The following COL4A4 variants were observed in gnomAD, a reference collection of about 807,000 sequenced individuals.
COL4A4 encodes collagen type IV alpha 4 chain.
Under a neutral mutation model 192.9 loss-of-function variants are expected in COL4A4, and 105 were observed. That is an observed-to-expected ratio of 0.54 (90% CI 0.46 to 0.64). COL4A4 has a LOEUF of 0.64. Among genes scored for constraint, COL4A4 ranks in the 30% least tolerant of loss-of-function variants. The pLI is 0.00. For missense variants in COL4A4, 1,967 were observed against 2,169.3 expected, an observed-to-expected ratio of 0.91 and a Z score of 1.85; for synonymous variants, 762 against 769.9, an observed-to-expected ratio of 0.99 and a Z score of 0.17.
Position 227,138,083 on chromosome 2 carries a change from G to A in COL4A4, c.192+2078C>T, listed in dbSNP as rs185740075. Among the ~76,000 whole-genome samples the A allele has an allele frequency of 4.3e-3, 656 of 151,638 alleles. 7 individuals are homozygous for A. Among genetic ancestry groups the A allele is most frequent in the African/African-American group, 0.016 (643 of 41,266 alleles). Reference sequence around the variant, plus strand: ...AGCCAAGGAGGGAGGATCACTTGAAGCCAGGAGTTTGAGAACAGCCTGAGA... The same window carrying A: ...AGCCAAGGAGGGAGGATCACTTGAAACCAGGAGTTTGAGAACAGCCTGAGA... On this transcript the variant is annotated intron_variant, in intron 4 of 47. Coordinates refer to ENST00000396625, the MANE Select transcript of COL4A4 (RefSeq NM_000092.5).
chr2:226,969,989 T>TGGG, the COL4A4 span, among the ~76,000 whole-genome samples: 1 of 112,002 alleles, frequency 8.9e-6, no homozygotes. Context: ...TTTACAACTG[T>TGGG]CCCCCCCCCC....
chr2:227,089,125 A>G (rs1044057338), intron 21 of COL4A4, among the ~76,000 whole-genome samples: 5 of 152,150 alleles, frequency 3.3e-5, no homozygotes, highest in African/African-American at 1.2e-4. Context: ...CGTTAAAAAT[A>G]ATTCAACTTT....
chr2:227,107,903 A>G (rs565838295), intron 12 of COL4A4, among the ~76,000 whole-genome samples: 13 of 151,910 alleles, frequency 8.6e-5, no homozygotes, highest in East Asian at 3.9e-4. Context: ...GACTACAGGC[A>G]CGCACCACCA....
At chr2:227,092,086 GA>G (rs1272392217) in intron 20 of COL4A4, among the ~76,000 whole-genome samples, 1 of 152,006 alleles carries the variant, frequency 6.6e-6, no homozygotes, top group Non-Finnish European at 1.5e-5. Flanking sequence ...GAGCTCCTAT[GA>G]GCTTCCAGAA....
At chr2:227,119,390 C>A (rs573863017) in intron 6 of COL4A4, among the ~76,000 whole-genome samples, 10 of 149,952 alleles carry the variant, frequency 6.7e-5, no homozygotes, top group African/African-American at 2.0e-4. Flanking sequence ...ATATCTTGCA[C>A]CATATTTTAT....
chr2:227,148,130 G>A (rs1361595431), intron 1 of COL4A4, among the ~76,000 whole-genome samples: 3 of 152,118 alleles, frequency 2.0e-5, no homozygotes, highest in Admixed American at 6.6e-5. Flanking sequence ...GTTACTATAT[G>A]ATCTAGCAAT....
At chr2:227,091,097 C>CA (rs1054471578) in intron 20 of COL4A4, among the ~76,000 whole-genome samples, 2 of 151,584 alleles carry the variant, frequency 1.3e-5, no homozygotes, top group African/African-American at 4.8e-5. Flanking sequence ...CTATCCCCGC[C>CA]AAAAAAACCT....
chr2:227,128,672 G>A (rs2125126207), intron 4 of COL4A4, among the ~76,000 whole-genome samples: 1 of 152,118 alleles, frequency 6.6e-6, no homozygotes, highest in East Asian at 1.9e-4. Flanking sequence ...ATCTCGATTT[G>A]AACCAAAACC....
chr2:227,012,415 G>A (rs1014286870), intron 44 of COL4A4, 118 bp from the exon 45 acceptor site: 11 of 765,158 alleles, frequency 1.4e-5, no homozygotes, highest in East Asian at 2.6e-5. Context: ...CACTTTGACT[G>A]AATGCATCAG....
intron 3 of COL4A4, among the ~76,000 whole-genome samples, chr2:227,142,653 A>C (rs1345428180): frequency 6.6e-6 from 1 of 151,662 alleles, no homozygotes; most frequent in Non-Finnish European, 1.5e-5. Context: ...GCTACTCAGG[A>C]GGCTGAGGTG....
the COL4A4 span, among the ~76,000 whole-genome samples, chr2:226,989,692 C>G: frequency 6.6e-6 from 1 of 152,078 alleles, no homozygotes; most frequent in Non-Finnish European, 1.5e-5. Flanking sequence ...CATAGTGGAC[C>G]TGATGTTATA....
chr2:226,974,760 GGCTGAGAGTCGTGAACTGTACAGT>G, the COL4A4 span, among the ~76,000 whole-genome samples: 17 of 152,304 alleles, frequency 1.1e-4, no homozygotes, highest in East Asian at 2.3e-3. Context: ...ACTCCCTGCA[GGCTGAGAGTCGTGAACTGTACAGT>G]GCTGAGAGTC....
At chr2:227,026,190 G>A (rs1966851873) in intron 42 of COL4A4, among the ~76,000 whole-genome samples, 1 of 152,080 alleles carries the variant, frequency 6.6e-6, no homozygotes, top group African/African-American at 2.4e-5. Flanking sequence ...TGCATAGAAA[G>A]GAAATATGAA....
intron 27 of COL4A4, 65 bp from the exon 28 acceptor site, chr2:227,059,688 GACTT>G (rs992243345): frequency 1.3e-5 from 15 of 1,152,748 alleles, no homozygotes; most frequent in Middle Eastern, 1.9e-4. Flanking sequence ...ATACATATAA[GACTT>G]ACTTTGATAA....
Position 227,062,585 on chromosome 2 carries a change from A to G in COL4A4, c.2001T>C (p.Ser667=). ...GLKGQKGDTI[S]CNVTYPGRHG... is the part of the protein sequence containing the mutation. ...GCCTCCCAGGGTAGGTTACGTTGCA[A>G]GAAATTGTGTCACCTGCAATGAGAA... The change falls in exon 26 of 48, where the codon TCT becomes TCC. Residue 667 remains serine, a synonymous_variant. Coordinates refer to ENST00000396625, the MANE Select transcript of COL4A4 (RefSeq NM_000092.5). 1.9e-6 allele frequency: 3 copies of G among 1,612,808 alleles called. No individual in the cohort carries two copies. Among genetic ancestry groups the G allele is most frequent in the African/African-American group, 1.3e-5 (1 of 74,998 alleles).
chr2:227,041,846 A>AAGAAAGAG lies in COL4A4; in HGVS notation c.3505+301_3505+302insCTCTTTCT, dbSNP rs1559478097. 1.1e-3 allele frequency among the ~76,000 whole-genome samples: 44 copies of AAGAAAGAG among 39,324 alleles called. 1 individual carries two copies. Among genetic ancestry groups the AAGAAAGAG allele is most frequent in the South Asian group, 8.4e-3 (8 of 954 alleles). 25.8% of individuals were successfully genotyped at this position (39,324 alleles called of 152,430 possible). On this transcript the variant is annotated intron_variant, in intron 37 of 47. Coordinates refer to ENST00000396625, the MANE Select transcript of COL4A4 (RefSeq NM_000092.5). Reference sequence around the variant, plus strand: ...AAAGAAAGAAAGAAAGAAAGAAAGAAAGAGAAAGAAAGAAAGAAAGAAAGA... The same window carrying AAGAAAGAG: ...AAAGAAAGAAAGAAAGAAAGAAAGAAAGAAAGAGAGAGAAAGAAAGAAAGAAAGAAAGA...
intron 25 of COL4A4, among the ~76,000 whole-genome samples, chr2:227,067,725 G>A (rs2058437218): frequency 1.3e-5 from 2 of 152,178 alleles, no homozygotes; most frequent in South Asian, 2.1e-4. Context: ...GCAGTGTGTA[G>A]AGGGAAATTT....
In COL4A4 at chr2:227,123,984, A is replaced by G. The variant is rs1465934428; in HGVS notation, c.193-2836T>C. ...CATCTTTATCTGTCAATGGCTTATG[A>G]GCATAAAAAGAATAATGCATGTAAT... On this transcript the variant is annotated intron_variant, in intron 4 of 47. Transcript: ENST00000396625. The surrounding 1 kb of genome is among the most constrained non-coding windows in gnomAD (Gnocchi z 4.6). 6.6e-6 allele frequency among the ~76,000 whole-genome samples: 1 copy of G among 152,188 alleles called. No individual in the cohort carries two copies. Among genetic ancestry groups the G allele is most frequent in the Non-Finnish European group, 1.5e-5 (1 of 68,042 alleles).
rs2065095801 is a variant in COL4A4 at position 227,164,157 on chromosome 2, G to C, written c.-252C>G. ...GCAAGTTGGAGGCGGGCTGGAGGCG[G>C]GGAACGCGGACCGCCGCGGGCGCGG... On this transcript the variant is annotated 5_prime_UTR_variant, in exon 1 of 48. Transcript: ENST00000396625. This position sits in a 1 kb window ranked among gnomAD's most constrained non-coding sequence, Gnocchi z 4.8. The C allele has an allele frequency of 6.6e-6, 1 of 152,524 alleles. No homozygotes were observed. The highest frequency in any genetic ancestry group is 6.5e-5 in the Admixed American group (1 of 15,290). 9.4% of individuals were successfully genotyped at this position (152,524 alleles called of 1,614,324 possible). A position where few individuals can be genotyped will look rare whatever the true frequency, so the allele number is the denominator to read the frequency against.
Sources: gnomAD v4.1 joint callset for allele counts (sites outside exome capture counted in the v4.1 genomes callset) on GRCh38, gnomAD v4.1.1 for gene constraint, Gnocchi (gnomAD v3.1) non-coding constraint, MANE v1.5 for transcripts, NCBI Gene and HGNC (gene_info 2026-07-23, HGNC 2026-07-21) for gene names.